HECTD2: variants seen among roughly 807,000 people sequenced by gnomAD.
HECTD2 encodes HECT domain E3 ubiquitin protein ligase 2, also known as probable E3 ubiquitin-protein ligase HECTD2.
In HECTD2, 35 loss-of-function variants were observed where a neutral mutation model predicts 103.2. The ratio of observed to expected loss-of-function variants is 0.34; its 90% CI spans 0.26 to 0.45. The LOEUF (loss-of-function observed/expected upper bound fraction) is 0.45. HECTD2 is among the 20% of genes least tolerant of loss of function. HECTD2 has a pLI of 1.00. For synonymous variants in HECTD2, 281 were observed against 329.9 expected (o/e 0.85, Z 1.61); for missense variants, 596 against 937.4 (o/e 0.64, Z 4.76).
At chr10:91,490,619 C>T (rs867813099) in intron 11 of HECTD2, among the ~76,000 whole-genome samples, 4 of 151,952 alleles carry the variant, frequency 2.6e-5, no homozygotes, top group South Asian at 2.1e-4. Context: ...TGGCCGGGCG[C>T]GGTGGCTCAC....
At chr10:91,417,944 G>A (rs1843198511) in intron 1 of HECTD2, among the ~76,000 whole-genome samples, 1 of 152,124 alleles carries the variant, frequency 6.6e-6, no homozygotes. Flanking sequence ...TCACCACACT[G>A]ACTTCCACAA....
intron 2 of HECTD2, among the ~76,000 whole-genome samples, chr10:91,445,526 G>C (rs1305021444): frequency 6.6e-6 from 1 of 152,124 alleles, no homozygotes; most frequent in Non-Finnish European, 1.5e-5. Flanking sequence ...TTTAACTTTA[G>C]ATAAGCAATT....
chr10:91,451,320 A>G (rs764704035), intron 2 of HECTD2, among the ~76,000 whole-genome samples: 5 of 152,104 alleles, frequency 3.3e-5, no homozygotes, highest in Admixed American at 6.5e-5. Context: ...GAGTTGAACA[A>G]TGAGAACACA....
chr10:91,495,136 TTGA>T (rs1430540213), intron 14 of HECTD2, among the ~76,000 whole-genome samples: 1 of 151,996 alleles, frequency 6.6e-6, no homozygotes, highest in Non-Finnish European at 1.5e-5. Flanking sequence ...GAAAGCTAAA[TTGA>T]TGCTGTAAAA....
At chr10:91,426,693 C>A (rs968105462) in intron 2 of HECTD2, among the ~76,000 whole-genome samples, 1 of 151,828 alleles carries the variant, frequency 6.6e-6, no homozygotes, top group Non-Finnish European at 1.5e-5. Flanking sequence ...ATCTTCATCT[C>A]TGAAGTCAGT....
At position 91,410,418 on chromosome 10, in the gene HECTD2, G is replaced by T. The variant is rs752989148; in HGVS notation, c.-21G>T. ...ACTGAGGCCGCCGCCGCCGCCTGGC[G>T]CTCCCGCCGCCCGGCCCGACATGAG... On this transcript the variant is annotated 5_prime_UTR_variant, in exon 1 of 21. Coordinates refer to ENST00000298068, the MANE Select transcript of HECTD2 (RefSeq NM_182765.6). The T allele has an allele frequency of 7.3e-7, 1 of 1,364,638 alleles. No individual in the cohort carries two copies. Among genetic ancestry groups the T allele is most frequent in the Non-Finnish European group, 9.4e-7 (1 of 1,062,056 alleles). 84.5% of individuals were successfully genotyped at this position (1,364,638 alleles called of 1,614,324 possible).
intron 2 of HECTD2, among the ~76,000 whole-genome samples, chr10:91,427,584 C>A (rs1843624599): frequency 6.6e-6 from 1 of 152,100 alleles, no homozygotes; most frequent in Non-Finnish European, 1.5e-5. Context: ...TTTTGATTTG[C>A]ATTTCTCTGA....
intron 7 of HECTD2, among the ~76,000 whole-genome samples, chr10:91,482,617 T>G (rs1846133330): frequency 6.6e-6 from 1 of 152,002 alleles, no homozygotes; most frequent in African/African-American, 2.4e-5. Flanking sequence ...TATATACATT[T>G]TCTTTTTCGA....
At chr10:91,449,252 A>G (rs1417452189) in intron 2 of HECTD2, among the ~76,000 whole-genome samples, 6 of 152,152 alleles carry the variant, frequency 3.9e-5, no homozygotes, top group African/African-American at 1.4e-4. Context: ...ACATACACAA[A>G]TCAATAAACG....
chr10:91,423,066 A>G lies in HECTD2; in HGVS notation c.139-2215A>G, dbSNP rs190751799. Among the ~76,000 whole-genome samples, 165 of 152,306 alleles carry G rather than the reference A, an allele frequency of 1.1e-3. 2 individuals are homozygous for G. The highest frequency in any genetic ancestry group is 9.2e-3 in the Admixed American group (140 of 15,286). On this transcript the variant is annotated intron_variant, in intron 1 of 20. Coordinates refer to ENST00000298068, the MANE Select transcript of HECTD2 (RefSeq NM_182765.6). ...TCCTAAAGCGATTAAATTTAACTCA[A>G]CATACATCTATAAAAGTAGAGATTA...
intron 5 of HECTD2, among the ~76,000 whole-genome samples, chr10:91,468,635 C>T (rs183161147): frequency 3.3e-5 from 5 of 151,836 alleles, no homozygotes; most frequent in African/African-American, 1.2e-4. Context: ...AAGTAGAAGC[C>T]CAATATAAGG....
At chr10:91,503,024 T>C (rs1394283609) in intron 20 of HECTD2, among the ~76,000 whole-genome samples, 2 of 152,196 alleles carry the variant, frequency 1.3e-5, no homozygotes, top group African/African-American at 4.8e-5. Context: ...ATTCATCTTA[T>C]AAGGTCCACC....
chr10:91,453,045 T>C (rs772060493), intron 2 of HECTD2, among the ~76,000 whole-genome samples: 31 of 152,136 alleles, frequency 2.0e-4, no homozygotes, highest in Admixed American at 2.0e-3. Context: ...CAATAGACTT[T>C]TCTTCTCCTC....
chr10:91,505,449 CA>C (rs1055768990), intron 20 of HECTD2, among the ~76,000 whole-genome samples: 48 of 151,236 alleles, frequency 3.2e-4, no homozygotes, highest in African/African-American at 1.0e-3. Flanking sequence ...AAATGGAAAA[CA>C]AAAAAAGGCA....
chr10:91,476,809 G>C (rs536988341), intron 5 of HECTD2, among the ~76,000 whole-genome samples: 1 of 152,330 alleles, frequency 6.6e-6, no homozygotes, highest in East Asian at 1.9e-4. Flanking sequence ...GCACCTGTGA[G>C]GCCTTTGTCT....
At chr10:91,503,615 T>C (rs1847007462) in intron 20 of HECTD2, among the ~76,000 whole-genome samples, 1 of 152,164 alleles carries the variant, frequency 6.6e-6, no homozygotes, top group Admixed American at 6.5e-5. Flanking sequence ...CGCACTTGGC[T>C]CGGAGGGTCC....
At chr10:91,484,357 T>C in intron 8 of HECTD2, 150 bp from the exon 9 acceptor site, 4 of 1,421,006 alleles carry the variant, frequency 2.8e-6, no homozygotes, top group East Asian at 2.5e-5. Flanking sequence ...TAAGATTTTG[T>C]ATCTTTTCAA....
intron 5 of HECTD2, chr10:91,462,662 T>A (rs1277612246): frequency 1.0e-6 from 1 of 997,582 alleles, no homozygotes; most frequent in African/African-American, 1.7e-5. Flanking sequence ...ACTATAAAAA[T>A]TATGTCACCA....
rs1041146828 is a variant in HECTD2, at chr10:91,508,673, G to A, written c.2211-3591G>A. On this transcript the variant is annotated intron_variant, in intron 20 of 20. Transcript: ENST00000298068. Reference sequence around the variant, plus strand: ...AAATAGGAACACTTTTACACTGTTGGTGGGACTGTAAACTAGTTCAACCAT... The same window carrying A: ...AAATAGGAACACTTTTACACTGTTGATGGGACTGTAAACTAGTTCAACCAT... Among the ~76,000 whole-genome samples the A allele has an allele frequency of 4.1e-5, 6 of 148,126 alleles. No individual in the cohort carries two copies. The South Asian group carries it at 1.0e-3, about 26-fold the overall frequency.
Sources: allele counts gnomAD v4.1 joint callset (sites outside exome capture counted in the v4.1 genomes callset), GRCh38; gene constraint gnomAD v4.1.1; transcripts MANE v1.5; gene names NCBI Gene and HGNC (gene_info 2026-07-23, HGNC 2026-07-21).